Variants in PM20D2 observed in about 807,000 individuals in gnomAD.
PM20D2 encodes xaa-Arg dipeptidase.
A neutral mutation model predicts 42.9 loss-of-function variants in PM20D2; 33 were observed. The observed-to-expected ratio is 0.77, with a 90% confidence interval of 0.58 to 1.03. PM20D2 has a LOEUF of 1.03. PM20D2 is among the 50% of genes least tolerant of loss of function. The pLI is 0.00. For missense variants in PM20D2, 548 were observed against 557.0 expected (o/e 0.98, Z 0.16); for synonymous variants, 250 against 228.2 (o/e 1.10, Z -0.86).
the PM20D2 span, among the ~76,000 whole-genome samples, chr6:89,139,479 G>T: frequency 6.6e-6 from 1 of 152,196 alleles, no homozygotes; most frequent in Non-Finnish European, 1.5e-5. Context: ...CTCCTAAAGT[G>T]CTGGGATTAT....
At chr6:89,158,825 T>C (rs1319917374) in intron 5 of PM20D2, among the ~76,000 whole-genome samples, 1 of 152,232 alleles carries the variant, frequency 6.6e-6, no homozygotes, top group Non-Finnish European at 1.5e-5. Flanking sequence ...ATCTGGGGCA[T>C]TTTCAGTTTC....
chr6:89,107,162 A>C, the PM20D2 span: 3 of 1,614,054 alleles, frequency 1.9e-6, no homozygotes, highest in Non-Finnish European at 2.5e-6. Flanking sequence ...ATTGAACATA[A>C]GCAAATCCTC....
At chr6:89,123,578 T>C in the PM20D2 span, among the ~76,000 whole-genome samples, 4 of 151,410 alleles carry the variant, frequency 2.6e-5, no homozygotes, top group Non-Finnish European at 5.9e-5. Context: ...ACAAATTAGC[T>C]GGGCATGGTG....
intron 1 of PM20D2, among the ~76,000 whole-genome samples, chr6:89,146,971 G>A (rs751312302): frequency 2.0e-5 from 3 of 152,232 alleles, no homozygotes; most frequent in Admixed American, 6.5e-5. Flanking sequence ...ACAAGGTTGT[G>A]CCATCAATCT....
the PM20D2 span, among the ~76,000 whole-genome samples, chr6:89,109,955 G>A: frequency 7.9e-5 from 12 of 152,230 alleles, no homozygotes; most frequent in African/African-American, 2.9e-4. Context: ...ACTGGGCGTG[G>A]TGGCGGGCGC....
chr6:89,159,096 A>C (rs1771149055), intron 5 of PM20D2, among the ~76,000 whole-genome samples: 3 of 152,156 alleles, frequency 2.0e-5, no homozygotes, highest in African/African-American at 7.2e-5. Context: ...TAGTATGTTA[A>C]ACTTGAGGTG....
the PM20D2 span, among the ~76,000 whole-genome samples, chr6:89,103,027 G>C: frequency 2.6e-5 from 4 of 152,160 alleles, no homozygotes; most frequent in African/African-American, 4.8e-5. Context: ...GCCTCCCAGA[G>C]TGCTGGGATC....
chr6:89,159,922 G>A (rs1771177730), intron 5 of PM20D2, among the ~76,000 whole-genome samples: 2 of 152,186 alleles, frequency 1.3e-5, no homozygotes, highest in South Asian at 4.1e-4. Context: ...AAGACACATG[G>A]CCTGCTCTAC....
the PM20D2 span, among the ~76,000 whole-genome samples, chr6:89,120,710 T>TA: frequency 1.7e-3 from 239 of 144,692 alleles, 5 homozygotes; most frequent in South Asian, 0.04. Context: ...TACAGAAAAT[T>TA]AAAAAAAAAA....
At chr6:89,115,105 A>G in the PM20D2 span, among the ~76,000 whole-genome samples, 2 of 149,114 alleles carry the variant, frequency 1.3e-5, no homozygotes, top group East Asian at 4.0e-4. Flanking sequence ...CACAGCTTTT[A>G]TTTTTTTAGA....
chr6:89,140,632 C>G, the PM20D2 span, among the ~76,000 whole-genome samples: 1 of 152,182 alleles, frequency 6.6e-6, no homozygotes, highest in Non-Finnish European at 1.5e-5. Flanking sequence ...TTGTTAACCA[C>G]AAGCTGGGTT....
chr6:89,132,161 C>T, the PM20D2 span, among the ~76,000 whole-genome samples: 1 of 152,082 alleles, frequency 6.6e-6, no homozygotes, highest in Admixed American at 6.5e-5. Flanking sequence ...CAGATCCACT[C>T]AAGAAAAAAG....
At chr6:89,130,133 G>A in the PM20D2 span, among the ~76,000 whole-genome samples, 1 of 151,764 alleles carries the variant, frequency 6.6e-6, no homozygotes, top group African/African-American at 2.4e-5. Context: ...ACTCAGACTG[G>A]AATGCAGTAG....
the PM20D2 span, among the ~76,000 whole-genome samples, chr6:89,115,413 G>A: frequency 1.3e-5 from 2 of 152,096 alleles, no homozygotes; most frequent in Non-Finnish European, 2.9e-5. Flanking sequence ...CTCCTGAGTA[G>A]CTGGGATTAC....
intron 5 of PM20D2, among the ~76,000 whole-genome samples, chr6:89,159,431 C>T (rs1207062347): frequency 2.0e-5 from 3 of 152,096 alleles, no homozygotes. Context: ...GGTCTAGTGT[C>T]CACTGGACTC....
intron 2 of PM20D2, among the ~76,000 whole-genome samples, chr6:89,149,727 A>G (rs1388824428): frequency 1.3e-5 from 2 of 152,228 alleles, no homozygotes; most frequent in African/African-American, 4.8e-5. Context: ...TTCATATGAA[A>G]TTGTCTTTGC....
the PM20D2 span, chr6:89,099,060 T>A: frequency 1.6e-6 from 2 of 1,280,028 alleles, no homozygotes; most frequent in East Asian, 5.1e-5. Context: ...TTTTACTAGA[T>A]AAGCTAAAAA....
the PM20D2 span, among the ~76,000 whole-genome samples, chr6:89,122,917 G>A: frequency 6.6e-6 from 1 of 152,110 alleles, no homozygotes; most frequent in Non-Finnish European, 1.5e-5. Context: ...TATGTACTTT[G>A]GTTTATAAGA....
chr6:89,136,473 C>T, the PM20D2 span, among the ~76,000 whole-genome samples: 2 of 150,640 alleles, frequency 1.3e-5, no homozygotes, highest in Non-Finnish European at 2.9e-5. Flanking sequence ...GTCAGGAGAT[C>T]GAGACCATCC....
Sources: allele counts gnomAD v4.1 joint callset (sites outside exome capture counted in the v4.1 genomes callset), GRCh38; gene constraint gnomAD v4.1.1; transcripts MANE v1.5; gene names NCBI Gene and HGNC (gene_info 2026-07-23, HGNC 2026-07-21).